YEATS4: variants seen among roughly 807,000 people sequenced by gnomAD.
YEATS4 encodes YEATS domain-containing protein 4.
In YEATS4, 17 loss-of-function variants were observed where a neutral mutation model predicts 30.1. That is an observed-to-expected ratio of 0.56 (90% CI 0.39 to 0.85). The LOEUF is 0.85. YEATS4 is among the 40% of genes least tolerant of loss of function. YEATS4 has a pLI of 0.00. For synonymous variants in YEATS4, 85 were observed against 87.5 expected, an observed-to-expected ratio of 0.97 and a Z score of 0.16; for missense variants, 142 against 268.3, an observed-to-expected ratio of 0.53 and a Z score of 3.29.
intron 6 of YEATS4, among the ~76,000 whole-genome samples, chr12:69,384,565 A>C (rs1422964052): frequency 6.6e-6 from 1 of 152,212 alleles, no homozygotes; most frequent in Non-Finnish European, 1.5e-5. Context: ...TTTGATCATC[A>C]CTTCATAGTA....
the YEATS4 span, among the ~76,000 whole-genome samples, chr12:69,420,382 A>G: frequency 1.3e-5 from 2 of 150,632 alleles, no homozygotes; most frequent in Admixed American, 1.3e-4. Flanking sequence ...ACAGTTAATT[A>G]ATTGAAAGGG....
At chr12:69,392,875 A>C (rs941673210), downstream of YEATS4, among the ~76,000 whole-genome samples, 19 of 152,266 alleles carry the variant, frequency 1.2e-4, no homozygotes, top group Admixed American at 8.5e-4. Flanking sequence ...TACTTCTCAA[A>C]CCTCCTTCCT....
intron 4 of YEATS4, among the ~76,000 whole-genome samples, chr12:69,368,889 C>T (rs1419346189): frequency 6.6e-6 from 1 of 152,148 alleles, no homozygotes; most frequent in Non-Finnish European, 1.5e-5. Context: ...ATTGTAATTA[C>T]ACCTGCAAAG....
downstream of YEATS4, among the ~76,000 whole-genome samples, chr12:69,392,433 T>G (rs1215204239): frequency 6.6e-6 from 1 of 152,208 alleles, no homozygotes; most frequent in Non-Finnish European, 1.5e-5. Context: ...TGTACATCAA[T>G]GTTCATAGCA....
chr12:69,392,382 T>TA (rs2121095384), downstream of YEATS4, among the ~76,000 whole-genome samples: 1 of 152,322 alleles, frequency 6.6e-6, no homozygotes, highest in South Asian at 2.1e-4. Flanking sequence ...CACTCCTAGA[T>TA]ATATACCCAA....
At position 69,360,119 on chromosome 12, in the gene YEATS4, C is replaced by G. The variant is rs1592844699; in HGVS notation, c.51+96C>G. 6 of 1,382,024 alleles carry G rather than the reference C, an allele frequency of 4.3e-6. No homozygotes were observed. In the East Asian group the frequency reaches 7.6e-5, roughly 18 times the overall value. The allele number at this position is 1,382,024 out of a possible 1,614,324, so 85.6% of individuals were successfully genotyped here. On this transcript the variant is annotated intron_variant, in intron 1 of 6. Coordinates refer to ENST00000247843, the MANE Select transcript of YEATS4 (RefSeq NM_006530.4). ...GGGCCCACTGGGTTTCCTTTCGCGC[C>G]TTTTCTCCTCGGGTTTGAACCGTGG...
the YEATS4 span, among the ~76,000 whole-genome samples, chr12:69,411,308 TTTG>T: frequency 5.9e-5 from 9 of 152,106 alleles, no homozygotes; most frequent in African/African-American, 2.2e-4. Flanking sequence ...TTTTGTAGTA[TTTG>T]TAGAAATGGG....
chr12:69,362,948 G>A (rs1360213032), intron 2 of YEATS4, 41 bp downstream of exon 2: 1 of 1,019,920 alleles, frequency 9.8e-7, no homozygotes, highest in Non-Finnish European at 1.3e-6. Context: ...ACTTAAAGTT[G>A]TCTGTAATTT....
chr12:69,376,688 G>T (rs1875887300), intron 6 of YEATS4, among the ~76,000 whole-genome samples: 1 of 152,116 alleles, frequency 6.6e-6, no homozygotes, highest in Non-Finnish European at 1.5e-5. Flanking sequence ...ATGTACCTTT[G>T]GTTTTGGTGT....
At chr12:69,421,960 G>A in the YEATS4 span, among the ~76,000 whole-genome samples, 1 of 152,178 alleles carries the variant, frequency 6.6e-6, no homozygotes, top group Non-Finnish European at 1.5e-5. Flanking sequence ...AGCAACCCCT[G>A]CTTTAAGGGC....
chr12:69,422,260 C>T, the YEATS4 span, among the ~76,000 whole-genome samples: 1 of 152,212 alleles, frequency 6.6e-6, no homozygotes, highest in East Asian at 1.9e-4. Context: ...ACATCGAAGA[C>T]CCTGAAATTA....
rs537581703 is a variant in YEATS4, at chr12:69,365,957, A to C, written c.333+73A>C. The C allele has an allele frequency of 1.1e-5, 12 of 1,114,786 alleles. No homozygotes were observed. In the South Asian group the frequency reaches 1.8e-4, roughly 17 times the overall value. The allele number at this position is 1,114,786 out of a possible 1,614,324, so 69.1% of individuals were successfully genotyped here. A position where few individuals can be genotyped will look rare whatever the true frequency, so the allele number is the denominator to read the frequency against. Reference sequence around the variant, plus strand: ...TGTGAACATGTAATAATACTTAATGAATAGTGTTCATTCAGATGTGTTTTA... The same window carrying C: ...TGTGAACATGTAATAATACTTAATGCATAGTGTTCATTCAGATGTGTTTTA... On this transcript the variant is annotated intron_variant, in intron 4 of 6. Coordinates refer to ENST00000247843, the MANE Select transcript of YEATS4 (RefSeq NM_006530.4).
chr12:69,364,909 C>T (rs981249348), intron 2 of YEATS4, among the ~76,000 whole-genome samples: 10 of 152,036 alleles, frequency 6.6e-5, no homozygotes, highest in African/African-American at 2.2e-4. Flanking sequence ...CGTGAGCCAC[C>T]GTGCCCGGCG....
the YEATS4 span, among the ~76,000 whole-genome samples, chr12:69,400,041 A>G: frequency 6.6e-6 from 1 of 152,162 alleles, no homozygotes; most frequent in African/African-American, 2.4e-5. Context: ...AAGTTCTTGA[A>G]TTAAATAGTG....
chr12:69,376,569 C>T (rs1875883743), intron 6 of YEATS4, among the ~76,000 whole-genome samples: 1 of 152,132 alleles, frequency 6.6e-6, no homozygotes, highest in African/African-American at 2.4e-5. Flanking sequence ...CGCTTGGTCA[C>T]GATGAATGAT....
intron 1 of YEATS4, among the ~76,000 whole-genome samples, chr12:69,361,133 A>G (rs983212603): frequency 6.6e-6 from 1 of 151,738 alleles, no homozygotes; most frequent in African/African-American, 2.4e-5. Flanking sequence ...GAGAGGCGGA[A>G]GTTGCAGTGA....
chr12:69,364,854 A>C (rs899479215), intron 2 of YEATS4, among the ~76,000 whole-genome samples: 2 of 152,062 alleles, frequency 1.3e-5, no homozygotes, highest in African/African-American at 2.4e-5. Flanking sequence ...TCCTGACCTC[A>C]GGTGATCCAC....
At chr12:69,384,954 T>TA (rs1386942362) in intron 6 of YEATS4, among the ~76,000 whole-genome samples, 1 of 152,194 alleles carries the variant, frequency 6.6e-6, no homozygotes, top group Non-Finnish European at 1.5e-5. Flanking sequence ...CTAATAATTT[T>TA]AAAAATGCAA....
At chr12:69,377,293 G>T (rs315122) in intron 6 of YEATS4, among the ~76,000 whole-genome samples, 115,244 of 152,102 alleles carry the variant, frequency 0.76, 44,031 homozygotes, top group African/African-American at 0.87. Context: ...TCCTCTATTT[G>T]GCTACAGACA....
Sources: gnomAD v4.1 joint callset for allele counts (sites outside exome capture counted in the v4.1 genomes callset) on GRCh38, gnomAD v4.1.1 for gene constraint, MANE v1.5 for transcripts, NCBI Gene and HGNC (gene_info 2026-07-23, HGNC 2026-07-21) for gene names.